METAP2: variants seen among roughly 807,000 people sequenced by gnomAD.
The protein encoded by METAP2 is methionyl aminopeptidase 2.
METAP2 carries 25 observed loss-of-function variants against 59.4 expected under a neutral mutation model. That is an observed-to-expected ratio of 0.42 (90% CI 0.31 to 0.59). METAP2 has a LOEUF of 0.59. METAP2 is among the 20% of genes least tolerant of loss of function. METAP2 has a pLI of 0.16. For missense variants in METAP2, 366 were observed against 581.2 expected (o/e 0.63, Z 3.81); for synonymous variants, 214 against 194.1 (o/e 1.10, Z -0.85).
intron 2 of METAP2, among the ~76,000 whole-genome samples, chr12:95,481,206 G>A (rs1594412014): frequency 6.6e-6 from 1 of 152,140 alleles, no homozygotes; most frequent in African/African-American, 2.4e-5. Context: ...GCTGAGATGC[G>A]ATTCGAGACC....
At chr12:95,503,838 C>T (rs1011967074) in intron 7 of METAP2, among the ~76,000 whole-genome samples, 12 of 152,204 alleles carry the variant, frequency 7.9e-5, no homozygotes, top group African/African-American at 2.7e-4. Flanking sequence ...CAAGTACTTA[C>T]ATTAGACAGA....
intron 2 of METAP2, among the ~76,000 whole-genome samples, chr12:95,477,590 A>G (rs1229583173): frequency 2.0e-5 from 3 of 152,278 alleles, no homozygotes. Flanking sequence ...AGAAAACTTA[A>G]CTTTTTTCCA....
At chr12:95,476,322 C>A in intron 2 of METAP2, 144 bp downstream of exon 2, 1 of 453,692 alleles carries the variant, frequency 2.2e-6, no homozygotes, top group Non-Finnish European at 3.9e-6. Flanking sequence ...GCCTGGCCAA[C>A]ATGTTGAAAC....
At chr12:95,474,849 G>A (rs1421566273) in intron 1 of METAP2, among the ~76,000 whole-genome samples, 2 of 152,130 alleles carry the variant, frequency 1.3e-5, no homozygotes, top group Non-Finnish European at 1.5e-5. Context: ...CACTTTTGGG[G>A]TGTGTGTACA....
chr12:95,490,314 A>G (rs995741481), intron 4 of METAP2, among the ~76,000 whole-genome samples: 2 of 137,520 alleles, frequency 1.5e-5, no homozygotes, highest in African/African-American at 5.5e-5. Context: ...ATCAGACTGC[A>G]TTTTCGGCTG....
intron 8 of METAP2, among the ~76,000 whole-genome samples, chr12:95,510,299 G>A (rs1308032524): frequency 6.6e-6 from 1 of 152,176 alleles, no homozygotes; most frequent in African/African-American, 2.4e-5. Flanking sequence ...TCCGTTTTGT[G>A]CTGCTACAGC....
rs557323333 is a variant in METAP2 at position 95,476,422 on chromosome 12, G to C, written c.259+244G>C. ...AACAACTTGGGAAGCTGAGGCAGGA[G>C]AATTGCTTGAGCCCGAGAGATGGAG... On this transcript the variant is annotated intron_variant, in intron 2 of 10. Transcript: ENST00000323666. 5.9e-5 allele frequency among the ~76,000 whole-genome samples: 9 copies of C among 152,152 alleles called. No individual in the cohort carries two copies. The East Asian group carries it at 1.2e-3, about 20-fold the overall frequency.
At position 95,507,666 on chromosome 12, in the gene METAP2, C is replaced by T. The variant is rs969448898; in HGVS notation, c.964+3505C>T. Among the ~76,000 whole-genome samples, 12 of 152,322 alleles carry T rather than the reference C, an allele frequency of 7.9e-5. No homozygotes were observed. The South Asian group carries it at 1.0e-3, about 13-fold the overall frequency. On this transcript the variant is annotated intron_variant, in intron 8 of 10. Coordinates refer to ENST00000323666, the MANE Select transcript of METAP2 (RefSeq NM_006838.4). The stretch of plus-strand genomic sequence containing the variant: ...CCTCCTTTGAGATACCACCTTATTA[C>T]GCCTTTTCTCTACATACTCAGCCTT...
rs2076194561 is a variant in METAP2 at position 95,486,098 on chromosome 12, G to T, written c.428+117G>T. ...TACTTTAATAAATGCTTATAAATTT[G>T]TCATAAAGAAGATACAGTAGAAGCC... On this transcript the variant is annotated intron_variant, in intron 4 of 10. Coordinates refer to ENST00000323666, the MANE Select transcript of METAP2 (RefSeq NM_006838.4). 8.3e-6 allele frequency: 6 copies of T among 721,922 alleles called. No homozygotes were observed. In the East Asian group the frequency reaches 1.8e-4, roughly 22 times the overall value. 44.7% of individuals were successfully genotyped at this position (721,922 alleles called of 1,614,324 possible). A position where few individuals can be genotyped will look rare whatever the true frequency, so the allele number is the denominator to read the frequency against.
intron 7 of METAP2, among the ~76,000 whole-genome samples, chr12:95,498,844 A>G (rs1358237777): frequency 2.0e-5 from 3 of 151,856 alleles, no homozygotes; most frequent in East Asian, 1.9e-4. Flanking sequence ...CAAGACCCCA[A>G]CTCTACCAAA....
chr12:95,511,400 T>TG (rs2076401438), intron 8 of METAP2, among the ~76,000 whole-genome samples: 2 of 138,720 alleles, frequency 1.4e-5, no homozygotes, highest in Non-Finnish European at 3.1e-5. Flanking sequence ...TTTTTTTTTT[T>TG]TTTTTTTTTT....
chr12:95,512,852 G>A lies in METAP2; in HGVS notation c.1120G>A (p.Val374Ile). ...ETFGSTGKGV[V>I]HDDMECSHYM... is the part of the protein sequence containing the mutation. ...CTTTGGTAGTACAGGAAAAGGTGTTGTTCATGATGATATGGAATGTTCACA... is the reference window on the plus strand; with the variant it reads ...CTTTGGTAGTACAGGAAAAGGTGTTATTCATGATGATATGGAATGTTCACA... The change falls in exon 10 of 11, where the codon GTT (valine) becomes ATT (isoleucine). Residue 374 changes from valine (V) to isoleucine (I), a missense_variant. Physicochemically the swap from Val to Ile is conservative, Grantham distance 29. Around this residue, in one of 4 missense-constraint regions of METAP2, gnomAD observed 82 missense variants for 156.2 expected, o/e 0.52. Transcript: ENST00000323666. 1 of 1,613,290 alleles carries A rather than the reference G, an allele frequency of 6.2e-7. No individual in the cohort carries two copies. Among genetic ancestry groups the A allele is most frequent in the East Asian group, 2.2e-5 (1 of 44,830 alleles).
In METAP2 at chr12:95,483,236, G is replaced by A. The variant is rs2076171619; in HGVS notation, c.281G>A (p.Gly94Glu). 6.2e-7 allele frequency: 1 copy of A among 1,613,022 alleles called. No homozygotes were observed. The highest frequency in any genetic ancestry group is 8.5e-7 in the Non-Finnish European group (1 of 1,179,158). The change falls in exon 3 of 11, where the codon GGA becomes GAA. Residue 94 changes from glycine (G) to glutamate (E), a missense_variant. Transcript: ENST00000323666. Reference sequence around the variant, plus strand: ...TTAGATGGAGATGGCGATGGAGATGGAGCAACTGGAAAGAAGAAGAAAAAG... The same window carrying A: ...TTAGATGGAGATGGCGATGGAGATGAAGCAACTGGAAAGAAGAAGAAAAAG... ...DDEDGDGDGDGATGKKKKKKK... is the reference protein window; with the variant it reads ...DDEDGDGDGDEATGKKKKKKK...
intron 1 of METAP2, among the ~76,000 whole-genome samples, chr12:95,475,189 A>G (rs551388313): frequency 6.6e-6 from 1 of 152,212 alleles, no homozygotes; most frequent in Admixed American, 6.5e-5. Flanking sequence ...ACTTGTTTCT[A>G]ATTAAAATCG....
Position 95,511,931 on chromosome 12 carries a change from G to A in METAP2, c.1001G>A (p.Gly334Glu). The change falls in exon 9 of 11, where the codon GGG (glycine) becomes GAG (glutamate). Residue 334 changes from glycine to glutamate, a missense_variant. Transcript: ENST00000323666. Reference sequence around the variant, plus strand: ...CGTAATCTAAATGGACATTCAATTGGGCAATATAGAATACATGCTGGAAAA... The same window carrying A: ...CGTAATCTAAATGGACATTCAATTGAGCAATATAGAATACATGCTGGAAAA... ...PIRNLNGHSI[G>E]QYRIHAGKTV... is the part of the protein sequence containing the mutation. 6.2e-7 allele frequency: 1 copy of A among 1,612,110 alleles called. No individual in the cohort carries two copies. The highest frequency in any genetic ancestry group is 8.5e-7 in the Non-Finnish European group (1 of 1,179,024).
chr12:95,474,940 A>T (rs970897756), intron 1 of METAP2, among the ~76,000 whole-genome samples: 1 of 152,156 alleles, frequency 6.6e-6, no homozygotes, highest in Non-Finnish European at 1.5e-5. Context: ...CTAATCCCAT[A>T]GCATCGCCAA....
chr12:95,485,765 A>G, intron 3 of METAP2, 114 bp from the exon 4 acceptor site: 1 of 655,344 alleles, frequency 1.5e-6, no homozygotes, highest in East Asian at 3.0e-5. Flanking sequence ...TGTGGCAGCA[A>G]GGAGTTTCCT....
At chr12:95,506,031 A>G (rs1280083386) in intron 8 of METAP2, among the ~76,000 whole-genome samples, 1 of 151,444 alleles carries the variant, frequency 6.6e-6, no homozygotes, top group Non-Finnish European at 1.5e-5. Flanking sequence ...CAGGAGGCAG[A>G]GGTTGCAGTG....
chr12:95,496,711 ACT>A (rs1452573953), intron 7 of METAP2, among the ~76,000 whole-genome samples: 3 of 149,226 alleles, frequency 2.0e-5, no homozygotes, highest in African/African-American at 7.5e-5. Flanking sequence ...TGTCCACCAA[ACT>A]CTGGTACAGC....
Sources: allele counts gnomAD v4.1 joint callset (sites outside exome capture counted in the v4.1 genomes callset), GRCh38; gene constraint gnomAD v4.1.1; regional missense constraint gnomAD v4.1.1; transcripts MANE v1.5; gene names NCBI Gene and HGNC (gene_info 2026-07-23, HGNC 2026-07-21).